UBR7: variants seen among roughly 807,000 people sequenced by gnomAD.
UBR7 encodes the protein ubiquitin protein ligase E3 component n-recognin 7.
UBR7 carries 22 observed loss-of-function variants against 57.0 expected under a neutral mutation model. The ratio of observed to expected loss-of-function variants is 0.39; its 90% confidence interval spans 0.28 to 0.55. UBR7 has a LOEUF of 0.55. Ranked by LOEUF, UBR7 falls within the 20% of genes least tolerant of loss-of-function variation. The pLI is 0.69. For synonymous variants in UBR7, 167 were observed against 179.8 expected (o/e 0.93, Z 0.57); for missense variants, 395 against 513.2 (o/e 0.77, Z 2.23).
At chr14:93,224,111 T>C (rs1160902424) in intron 10 of UBR7, 5 of 837,314 alleles carry the variant, frequency 6.0e-6, no homozygotes, top group Non-Finnish European at 1.0e-5. Flanking sequence ...CACCACCTTG[T>C]ACTCTCATAG....
At chr14:93,219,598 G>T (rs968503059) in intron 8 of UBR7, among the ~76,000 whole-genome samples, 1 of 152,192 alleles carries the variant, frequency 6.6e-6, no homozygotes, top group Non-Finnish European at 1.5e-5. Context: ...GGATAATTAT[G>T]CAGTATTTTA....
chr14:93,218,501 G>A, intron 6 of UBR7, 26 bp from the exon 7 acceptor site: 2 of 1,605,370 alleles, frequency 1.2e-6, no homozygotes, highest in Non-Finnish European at 1.7e-6. Flanking sequence ...GTGTGTATGT[G>A]TTTTTCTTTT....
intron 4 of UBR7, among the ~76,000 whole-genome samples, chr14:93,213,949 C>G (rs149851057): frequency 6.6e-6 from 1 of 150,910 alleles, no homozygotes; most frequent in East Asian, 1.9e-4. Flanking sequence ...TTTTTTAAGA[C>G]GGAGTTTCGC....
In UBR7 at chr14:93,220,944, A is replaced by ATTATTTAT. The variant is rs890165042; in HGVS notation, c.1123+544_1123+551dup. Reference sequence around the variant, plus strand: ...ATAGCATCAGTCATTTCTGTCTTTTATTATTTATTTATTTATTTTGAGACA... The same window carrying ATTATTTAT: ...ATAGCATCAGTCATTTCTGTCTTTTATTATTTATTTATTTATTTATTTATTTTGAGACA... On this transcript the variant is annotated intron_variant, in intron 9 of 10. Transcript: ENST00000013070. 5.3e-5 allele frequency among the ~76,000 whole-genome samples: 8 copies of ATTATTTAT among 151,934 alleles called. No homozygotes were observed. In the South Asian group the frequency reaches 6.3e-4, roughly 12 times the overall value.
chr14:93,222,362 T>C lies in UBR7; in HGVS notation c.1173T>C (p.Ala391=), dbSNP rs747204049. The stretch of plus-strand genomic sequence containing the variant: ...TTAAAGACTATCTCAAGAGATTTGC[T>C]GATGAAGGCACGGTATGTTGAGTTA... ...TELKDYLKRF[A]DEGTVVKRED... The change falls in exon 10 of 11, where the codon GCT becomes GCC. Residue 391 remains alanine, a synonymous_variant. Coordinates refer to ENST00000013070, the MANE Select transcript of UBR7 (RefSeq NM_175748.4). 45 of 1,607,482 alleles carry C rather than the reference T, an allele frequency of 2.8e-5. No homozygotes were observed. The highest frequency in any genetic ancestry group is 3.7e-5 in the Non-Finnish European group (43 of 1,173,992).
At chr14:93,217,416 T>C (rs1315895950) in intron 6 of UBR7, among the ~76,000 whole-genome samples, 1 of 152,212 alleles carries the variant, frequency 6.6e-6, no homozygotes, top group Non-Finnish European at 1.5e-5. Flanking sequence ...ATTGAAATGC[T>C]GGCATCCAAT....
intron 3 of UBR7, 36 bp downstream of exon 3, chr14:93,210,744 C>A: frequency 1.3e-6 from 2 of 1,550,178 alleles, no homozygotes; most frequent in Non-Finnish European, 1.8e-6. Flanking sequence ...GCATTTAGAG[C>A]AGCTGAGGTT....
intron 4 of UBR7, among the ~76,000 whole-genome samples, chr14:93,213,475 T>C (rs888658552): frequency 6.6e-6 from 1 of 151,966 alleles, no homozygotes; most frequent in Admixed American, 6.6e-5. Context: ...GCCCAGCTAA[T>C]TTTTTGTAAT....
chr14:93,223,286 C>T (rs1359666537), intron 10 of UBR7, among the ~76,000 whole-genome samples: 1 of 151,656 alleles, frequency 6.6e-6, no homozygotes, highest in Non-Finnish European at 1.5e-5. Flanking sequence ...ATCCCAGCTA[C>T]TCCGAGGCTG....
Position 93,228,491 on chromosome 14 carries a change from A to T in UBR7, c.*1456A>T. 1 of 454,106 alleles carries T rather than the reference A, an allele frequency of 2.2e-6. No homozygotes were observed. Among genetic ancestry groups the T allele is most frequent in the South Asian group, 1.6e-5 (1 of 64,478 alleles). 28.1% of individuals were successfully genotyped at this position (454,106 alleles called of 1,614,324 possible). A position where few individuals can be genotyped will look rare whatever the true frequency, so the allele number is the denominator to read the frequency against. On this transcript the variant is annotated 3_prime_UTR_variant, in exon 11 of 11. Transcript: ENST00000013070. Reference sequence around the variant, plus strand: ...GAGTGCCCAATCCCTGGATGAGATGAACTAGGCCTTATAAAAAGTCAAAGC... The same window carrying T: ...GAGTGCCCAATCCCTGGATGAGATGTACTAGGCCTTATAAAAAGTCAAAGC...
chr14:93,224,894 T>C (rs760241714), intron 10 of UBR7, among the ~76,000 whole-genome samples: 5 of 149,880 alleles, frequency 3.3e-5, no homozygotes, highest in African/African-American at 5.0e-5. Flanking sequence ...GCTGGTGCTG[T>C]TGCACCTCCA....
Position 93,212,202 on chromosome 14 carries a change from G to A in UBR7, c.441+75G>A, listed in dbSNP as rs1356393526. 64 of 1,129,954 alleles carry A rather than the reference G, an allele frequency of 5.7e-5. 1 individual carries two copies. In the East Asian group the frequency reaches 1.6e-3, roughly 29 times the overall value. 70.0% of individuals were successfully genotyped at this position (1,129,954 alleles called of 1,614,324 possible). A position where few individuals can be genotyped will look rare whatever the true frequency, so the allele number is the denominator to read the frequency against. On this transcript the variant is annotated intron_variant, in intron 4 of 10. Transcript: ENST00000013070. ...TTCCTCAACTGCTTGTCATATCCGA[G>A]CCTCTGGCTCTTCAAGAGGCAGTGT... is the stretch of plus-strand genomic sequence containing the variant.
At chr14:93,215,041 T>C (rs1894562289) in intron 5 of UBR7, 59 bp downstream of exon 5, 1 of 1,494,348 alleles carries the variant, frequency 6.7e-7, no homozygotes, top group Admixed American at 1.8e-5. Context: ...AAAGGTTATA[T>C]TTTACATTAT....
intron 6 of UBR7, among the ~76,000 whole-genome samples, chr14:93,217,678 A>C (rs1299434986): frequency 1.3e-5 from 2 of 152,190 alleles, no homozygotes; most frequent in Non-Finnish European, 2.9e-5. Flanking sequence ...CTGTTTAATT[A>C]TTTGAATTCT....
intron 10 of UBR7, 65 bp from the exon 11 acceptor site, chr14:93,226,878 C>A: frequency 9.2e-7 from 1 of 1,087,344 alleles, no homozygotes; most frequent in Non-Finnish European, 1.4e-6. Context: ...TTTGTGAATG[C>A]TATGACCTCG....
chr14:93,217,689 T>A lies in UBR7; in HGVS notation c.602-838T>A, dbSNP rs557124600. On this transcript the variant is annotated intron_variant, in intron 6 of 10. Transcript: ENST00000013070. ...TAAACTGTTTAATTATTTGAATTCT[T>A]TGGGTTAGGCAGACATAACCTAAAG... Among the ~76,000 whole-genome samples the A allele has an allele frequency of 3.5e-4, 54 of 152,372 alleles. 1 individual carries two copies. In the South Asian group the frequency reaches 0.011, roughly 31 times the overall value.
At chr14:93,212,538 C>T in intron 4 of UBR7, among the ~76,000 whole-genome samples, 1 of 152,226 alleles carries the variant, frequency 6.6e-6, no homozygotes. Flanking sequence ...TTCTTCCTCA[C>T]TTCTGCACCT....
chr14:93,227,206 C>T lies in UBR7; in HGVS notation c.*171C>T. ...GTAGCCACCGTGTGGATGCTGACTT[C>T]ACAGCCAGCGTCCTCTGTGACTCAG... On this transcript the variant is annotated 3_prime_UTR_variant, in exon 11 of 11. Coordinates refer to ENST00000013070, the MANE Select transcript of UBR7 (RefSeq NM_175748.4). The T allele has an allele frequency of 1.6e-6, 1 of 642,766 alleles. No homozygotes were observed. The highest frequency in any genetic ancestry group is 2.9e-6 in the Non-Finnish European group (1 of 349,218). 39.8% of individuals were successfully genotyped at this position (642,766 alleles called of 1,614,324 possible). A position where few individuals can be genotyped will look rare whatever the true frequency, so the allele number is the denominator to read the frequency against.
At chr14:93,214,831 G>A in intron 4 of UBR7, 98 bp from the exon 5 acceptor site, 1 of 1,098,066 alleles carries the variant, frequency 9.1e-7, no homozygotes. Flanking sequence ...ACCAGTTCAT[G>A]TAGAACAAAT....
Sources: gnomAD v4.1 joint callset for allele counts (sites outside exome capture counted in the v4.1 genomes callset) on GRCh38, gnomAD v4.1.1 for gene constraint, MANE v1.5 for transcripts, NCBI Gene and HGNC (gene_info 2026-07-23, HGNC 2026-07-21) for gene names.